The following C19orf18 variants were observed in gnomAD, a reference collection of about 807,000 sequenced individuals.
C19orf18 encodes the protein chromosome 19 open reading frame 18.
Under a neutral mutation model 23.3 loss-of-function variants are expected in C19orf18, and 21 were observed. The ratio of observed to expected loss-of-function variants is 0.90; its 90% CI spans 0.64 to 1.30. C19orf18 has a LOEUF of 1.30. Ranked by LOEUF, C19orf18 falls within the 50% of genes most tolerant of loss-of-function variation. The pLI is 0.00. For missense variants in C19orf18, 249 were observed against 259.6 expected (o/e 0.96, Z 0.28); for synonymous variants, 96 against 95.2 (o/e 1.01, Z -0.05).
At chr19:57,966,808 A>G (rs966807101) in intron 3 of C19orf18, among the ~76,000 whole-genome samples, 176 bp from the exon 4 acceptor site, 1 of 151,882 alleles carries the variant, frequency 6.6e-6, no homozygotes, top group Admixed American at 6.6e-5. Flanking sequence ...GTCTCGCTCT[A>G]TCACCCAGGC....
chr19:57,961,424 T>C lies in C19orf18; in HGVS notation c.499A>G (p.Asn167Asp), dbSNP rs759798288. The change falls in exon 5 of 6, where the codon AAC becomes GAC. Residue 167 changes from asparagine (N) to aspartate (D), a missense_variant. Physicochemically the swap from Asn to Asp is conservative, Grantham distance 23 (BLOSUM62 1). Transcript: ENST00000314391. Reference protein sequence around the residue: ...EGESTHLLPENENELEKFIHS... With the variant: ...EGESTHLLPEDENELEKFIHS... Reference sequence around the variant, plus strand: ...ATGAACTTTTCCAGCTCATTTTCGTTCTCTGGAAGTAGGTGCGTGGACTCA... The same window carrying C: ...ATGAACTTTTCCAGCTCATTTTCGTCCTCTGGAAGTAGGTGCGTGGACTCA... 6.2e-7 allele frequency: 1 copy of C among 1,613,944 alleles called. No individual in the cohort carries two copies. The highest frequency in any genetic ancestry group is 2.2e-5 in the East Asian group (1 of 44,874).
chr19:57,959,067 C>T (rs1406694129), intron 5 of C19orf18, among the ~76,000 whole-genome samples: 2 of 152,146 alleles, frequency 1.3e-5, no homozygotes, highest in Non-Finnish European at 2.9e-5. Flanking sequence ...GGCTGTTCTG[C>T]CTCTTTCTGG....
At chr19:57,966,167 C>T (rs1406526190) in intron 4 of C19orf18, among the ~76,000 whole-genome samples, 2 of 151,930 alleles carry the variant, frequency 1.3e-5, no homozygotes, top group Non-Finnish European at 2.9e-5. Flanking sequence ...TTAGTAGATA[C>T]GGGGTTTCAC....
intron 3 of C19orf18, among the ~76,000 whole-genome samples, chr19:57,970,479 C>A (rs1043958947): frequency 6.6e-6 from 1 of 152,138 alleles, no homozygotes; most frequent in Admixed American, 6.5e-5. Context: ...AAGCTTTGTG[C>A]TCAAATAAAC....
At position 57,958,554 on chromosome 19, in the gene C19orf18, C is replaced by A. The variant is rs368264042; in HGVS notation, c.*48G>T. 6.9e-5 allele frequency: 89 copies of A among 1,282,734 alleles called. No homozygotes were observed. In the African/African-American group the frequency reaches 1.1e-3, roughly 16 times the overall value. 79.5% of individuals were successfully genotyped at this position (1,282,734 alleles called of 1,614,324 possible). ...CGCCCACAGGCTCAGTCTCCCAGCACCCCCATAGTTTCTCCTCTGCCTCAG... is the reference window on the plus strand; with the variant it reads ...CGCCCACAGGCTCAGTCTCCCAGCAACCCCATAGTTTCTCCTCTGCCTCAG... On this transcript the variant is annotated 3_prime_UTR_variant, in exon 6 of 6. Transcript: ENST00000314391.
At chr19:57,966,296 C>T (rs2072907406) in intron 4 of C19orf18, among the ~76,000 whole-genome samples, 1 of 152,094 alleles carries the variant, frequency 6.6e-6, no homozygotes, top group Admixed American at 6.6e-5. Context: ...CTAATATTTT[C>T]TATTCTGCTG....
At chr19:57,961,218 G>A (rs2072869042) in intron 5 of C19orf18, among the ~76,000 whole-genome samples, 173 bp downstream of exon 5, 1 of 151,014 alleles carries the variant, frequency 6.6e-6, no homozygotes, top group African/African-American at 2.4e-5. Flanking sequence ...CTGGGCTACA[G>A]AGTAAGAGTC....
intron 5 of C19orf18, 77 bp downstream of exon 5, chr19:57,961,314 G>C: frequency 7.2e-7 from 1 of 1,396,002 alleles, no homozygotes; most frequent in Non-Finnish European, 9.8e-7. Flanking sequence ...AGCCACCGCT[G>C]AGAAAGAAAG....
chr19:57,960,071 T>A (rs1460739672), intron 5 of C19orf18, among the ~76,000 whole-genome samples: 1 of 151,248 alleles, frequency 6.6e-6, no homozygotes, highest in Non-Finnish European at 1.5e-5. Context: ...ATTTCGCCAC[T>A]GCACTACAGC....
At chr19:57,970,553 T>C (rs1170100635) in intron 3 of C19orf18, among the ~76,000 whole-genome samples, 2 of 152,192 alleles carry the variant, frequency 1.3e-5, no homozygotes, top group African/African-American at 4.8e-5. Flanking sequence ...TGCACAATTC[T>C]TACTATGAGT....
intron 3 of C19orf18, among the ~76,000 whole-genome samples, chr19:57,969,566 G>GGAAAAAAAAAAAAAAAAA (rs2072930123): frequency 2.2e-5 from 1 of 46,498 alleles, no homozygotes; most frequent in African/African-American, 9.5e-5. Flanking sequence ...AAAAAAAACA[G>GGAAAAAAAAAAAAAAAAA]AAAAAAAAAA....
At chr19:57,960,092 T>C (rs1229537483) in intron 5 of C19orf18, among the ~76,000 whole-genome samples, 7 of 137,452 alleles carry the variant, frequency 5.1e-5, no homozygotes, top group Admixed American at 3.7e-4. Context: ...CTGGGTGACA[T>C]AGGGAGACTC....
chr19:57,967,363 A>G (rs983150847), intron 3 of C19orf18, among the ~76,000 whole-genome samples: 2 of 152,212 alleles, frequency 1.3e-5, no homozygotes, highest in Admixed American at 1.3e-4. Context: ...CACTGGCAGC[A>G]TGTTCGTGAA....
chr19:57,971,744 T>C (rs1480065532), intron 3 of C19orf18, among the ~76,000 whole-genome samples: 1 of 152,128 alleles, frequency 6.6e-6, no homozygotes, highest in Non-Finnish European at 1.5e-5. Flanking sequence ...GTGCTGGGAT[T>C]ACAGGGATGA....
rs767903885 is a variant in C19orf18, at chr19:57,974,163, C to A, written c.162G>T (p.Glu54Asp). The A allele has an allele frequency of 4.3e-6, 7 of 1,614,086 alleles. No individual in the cohort carries two copies. Among genetic ancestry groups the A allele is most frequent in the Non-Finnish European group, 5.1e-6 (6 of 1,180,020 alleles). ...GGGTTTTATGAAAGAACACTTTGGG[C>A]TCTTTGGTGATGTTTCTGGGTGGTT... Reference protein sequence around the residue: ...RSQPPRNITKEPKVFFHKTQL... With the variant: ...RSQPPRNITKDPKVFFHKTQL... Residue 54 changes from glutamate to aspartate, a missense_variant, in exon 2 of 6, where the codon GAG (glutamate) becomes GAT (aspartate). Physicochemically the swap from Glu to Asp is conservative, Grantham distance 45. Transcript: ENST00000314391.
chr19:57,959,859 T>C (rs925297196), intron 5 of C19orf18, among the ~76,000 whole-genome samples: 1 of 148,548 alleles, frequency 6.7e-6, no homozygotes, highest in Non-Finnish European at 1.5e-5. Context: ...CCTGTACTCC[T>C]AGCACTTTGG....
At position 57,958,635 on chromosome 19, in the gene C19orf18, A is replaced by G; in HGVS notation, c.615T>C (p.Asn205=). Residue 205 remains asparagine (N), a synonymous_variant, in exon 6 of 6, where the codon AAT becomes AAC. Transcript: ENST00000314391. ...QNSVTENKTK[N]ASHNGKMEDL ...CTTCCATTTTTCCATTATGTGACGCATTCTTTGTTTTGTTTTCTGTTACTG... is the reference window on the plus strand; with the variant it reads ...CTTCCATTTTTCCATTATGTGACGCGTTCTTTGTTTTGTTTTCTGTTACTG... The G allele has an allele frequency of 6.2e-7, 1 of 1,608,646 alleles. No individual in the cohort carries two copies. Among genetic ancestry groups the G allele is most frequent in the African/African-American group, 1.3e-5 (1 of 74,826 alleles).
intron 5 of C19orf18, among the ~76,000 whole-genome samples, chr19:57,960,425 CAAAAA>C (rs34335308): frequency 3.2e-5 from 3 of 94,160 alleles, no homozygotes; most frequent in African/African-American, 3.5e-5. Context: ...GACTCCGCCT[CAAAAA>C]AAAAAAAAAA....
chr19:57,959,903 A>C (rs2072853884), intron 5 of C19orf18, among the ~76,000 whole-genome samples: 1 of 151,452 alleles, frequency 6.6e-6, no homozygotes, highest in Non-Finnish European at 1.5e-5. Context: ...TGAGGTCAGG[A>C]GTTCGAGACC....
Sources: allele counts gnomAD v4.1 joint callset (sites outside exome capture counted in the v4.1 genomes callset), GRCh38; gene constraint gnomAD v4.1.1; transcripts MANE v1.5; gene names NCBI Gene and HGNC (gene_info 2026-07-23, HGNC 2026-07-21).